The following ZHX3 variants were observed in gnomAD, a reference collection of about 807,000 sequenced individuals.
ZHX3 encodes the protein zinc fingers and homeoboxes 3.
A neutral mutation model predicts 64.5 loss-of-function variants in ZHX3; 20 were observed. That is an observed-to-expected ratio of 0.31 (90% confidence interval 0.22 to 0.45). The LOEUF (loss-of-function observed/expected upper bound fraction) is 0.45. ZHX3 is among the 20% of genes least tolerant of loss of function. ZHX3 has a pLI of 1.00. For missense variants in ZHX3, 1,041 were observed against 1,195.8 expected (o/e 0.87, Z 1.91); for synonymous variants, 423 against 461.6 (o/e 0.92, Z 1.07).
intron 2 of ZHX3, among the ~76,000 whole-genome samples, chr20:41,231,076 A>T (rs547950342): frequency 4.3e-4 from 65 of 152,132 alleles, no homozygotes; most frequent in Admixed American, 1.0e-3. Context: ...CTGTCTCTAT[A>T]GTTTTGCCTT....
intron 1 of ZHX3, among the ~76,000 whole-genome samples, chr20:41,315,674 G>A (rs1000410813): frequency 6.6e-5 from 10 of 151,888 alleles, no homozygotes; most frequent in African/African-American, 2.4e-4. Context: ...AGAAACACAA[G>A]TTCCTACTCA....
At chr20:41,271,075 C>A (rs1229856795) in intron 1 of ZHX3, among the ~76,000 whole-genome samples, 1 of 152,182 alleles carries the variant, frequency 6.6e-6, no homozygotes, top group Non-Finnish European at 1.5e-5. Flanking sequence ...GGCTGGAGTG[C>A]AGCGGCACTA....
intron 2 of ZHX3, among the ~76,000 whole-genome samples, chr20:41,205,401 T>A (rs1259787821): frequency 6.6e-6 from 1 of 152,240 alleles, no homozygotes; most frequent in Non-Finnish European, 1.5e-5. Context: ...ATTCTGACCA[T>A]GTCAGAGTGA....
In ZHX3 at chr20:41,185,753, C is replaced by A. The variant is rs1328279850; in HGVS notation, c.2861-552G>T. 2 of 154,876 alleles carry A rather than the reference C, an allele frequency of 1.3e-5. No individual in the cohort carries two copies. The highest frequency in any genetic ancestry group is 1.3e-4 in the Admixed American group (2 of 15,662). 9.6% of individuals were successfully genotyped at this position (154,876 alleles called of 1,614,324 possible). A position where few individuals can be genotyped will look rare whatever the true frequency, so the allele number is the denominator to read the frequency against. Reference sequence around the variant, plus strand: ...AGAAATGGTCCTTAATTGCAGCTGGCTGAGAAAGCCATGAGAAACCAGGTA... The same window carrying A: ...AGAAATGGTCCTTAATTGCAGCTGGATGAGAAAGCCATGAGAAACCAGGTA... On this transcript the variant is annotated intron_variant, in intron 3 of 3. Coordinates refer to ENST00000683867, the MANE Select transcript of ZHX3 (RefSeq NM_001384317.1). This position sits in a 1 kb window ranked among gnomAD's most constrained non-coding sequence, Gnocchi z 5.0.
intron 1 of ZHX3, among the ~76,000 whole-genome samples, chr20:41,273,304 C>T (rs1303140579): frequency 6.6e-6 from 1 of 152,102 alleles, no homozygotes; most frequent in Non-Finnish European, 1.5e-5. Context: ...ATATCTCCTC[C>T]CATTCTGCAG....
At chr20:41,244,184 G>T (rs1346418582) in intron 2 of ZHX3, among the ~76,000 whole-genome samples, 2 of 152,004 alleles carry the variant, frequency 1.3e-5, no homozygotes, top group African/African-American at 4.8e-5. Context: ...TATCCCCTAG[G>T]GGACACAGTT....
At position 41,204,847 on chromosome 20, in the gene ZHX3, T is replaced by C. The variant is rs769885204; in HGVS notation, c.70A>G (p.Ser24Gly). The change falls in exon 3 of 4, where the codon AGC (serine) becomes GGC (glycine). Residue 24 changes from serine (S) to glycine (G), a missense_variant. Coordinates refer to ENST00000683867, the MANE Select transcript of ZHX3 (RefSeq NM_001384317.1). This position sits in a 1 kb window ranked among gnomAD's most constrained non-coding sequence, Gnocchi z 6.6. Reference sequence around the variant, plus strand: ...GTCTCAGCGGGCTGGGCCTCCATGCTGGCATCTTGCAACACCACAGTCTTC... The same window carrying C: ...GTCTCAGCGGGCTGGGCCTCCATGCCGGCATCTTGCAACACCACAGTCTTC... Reference protein sequence around the residue: ...PVKTVVLQDASMEAQPAETLP... With the variant: ...PVKTVVLQDAGMEAQPAETLP... 6.3e-7 allele frequency: 1 copy of C among 1,593,896 alleles called. No homozygotes were observed. The highest frequency in any genetic ancestry group is 1.7e-5 in the Admixed American group (1 of 57,662).
chr20:41,238,988 CTCTCTTT>C (rs2041197854), intron 2 of ZHX3, among the ~76,000 whole-genome samples: 2 of 139,022 alleles, frequency 1.4e-5, no homozygotes, highest in Non-Finnish European at 3.1e-5. Flanking sequence ...CCTATTTTCT[CTCTCTTT>C]TTTTTTTTTT....
chr20:41,225,046 C>T (rs1440264457), intron 2 of ZHX3, among the ~76,000 whole-genome samples: 2 of 152,192 alleles, frequency 1.3e-5, no homozygotes, highest in South Asian at 2.1e-4. Context: ...ACATAATAAT[C>T]GTTTTCAGTG....
intron 2 of ZHX3, among the ~76,000 whole-genome samples, chr20:41,234,950 G>T (rs1397456040): frequency 1.3e-5 from 2 of 152,232 alleles, no homozygotes; most frequent in African/African-American, 4.8e-5. Context: ...ATAGTTCAAG[G>T]TTGTCCTTGT....
At chr20:41,196,356 T>TAGATA (rs2037499014) in intron 3 of ZHX3, among the ~76,000 whole-genome samples, 1 of 84,964 alleles carries the variant, frequency 1.2e-5, no homozygotes, top group African/African-American at 4.5e-5. Context: ...AATATATATC[T>TAGATA]TATAAATATA....
chr20:41,247,160 G>C (rs2041744581), intron 2 of ZHX3, among the ~76,000 whole-genome samples: 1 of 151,978 alleles, frequency 6.6e-6, no homozygotes, highest in African/African-American at 2.4e-5. Context: ...CCAGCTACTT[G>C]GCGGGGCTGA....
Position 41,200,843 on chromosome 20 carries a change from A to C in ZHX3, c.2860+1214T>G, listed in dbSNP as rs2038160040. The stretch of plus-strand genomic sequence containing the variant: ...GAAGTCTCTTTTTCCTTAATTCAGT[A>C]AAGAAACAATAGCATAACTATGTTT... On this transcript the variant is annotated intron_variant, in intron 3 of 3. Transcript: ENST00000683867. The surrounding 1 kb of genome is among the most constrained non-coding windows in gnomAD (Gnocchi z 4.2). Among the ~76,000 whole-genome samples the C allele has an allele frequency of 6.6e-6, 1 of 152,254 alleles. No individual in the cohort carries two copies. Among genetic ancestry groups the C allele is most frequent in the Admixed American group, 6.5e-5 (1 of 15,288 alleles).
intron 2 of ZHX3, among the ~76,000 whole-genome samples, chr20:41,220,370 C>G (rs978407175): frequency 1.3e-5 from 2 of 152,168 alleles, no homozygotes; most frequent in African/African-American, 4.8e-5. Flanking sequence ...GATTGGAGAG[C>G]TAGAAAGGAT....
chr20:41,223,888 T>C (rs191083167), intron 2 of ZHX3, among the ~76,000 whole-genome samples: 268 of 152,314 alleles, frequency 1.8e-3, no homozygotes, highest in African/African-American at 6.1e-3. Context: ...TACCAAGTAG[T>C]GCTCCTTTAC....
At chr20:41,242,861 A>C (rs562741530) in intron 2 of ZHX3, among the ~76,000 whole-genome samples, 1 of 152,324 alleles carries the variant, frequency 6.6e-6, no homozygotes, top group East Asian at 1.9e-4. Context: ...AGCATATGGC[A>C]ATTGTCTTTG....
At chr20:41,207,959 A>T (rs922776211) in intron 2 of ZHX3, among the ~76,000 whole-genome samples, 2 of 152,204 alleles carry the variant, frequency 1.3e-5, no homozygotes, top group African/African-American at 4.8e-5. Flanking sequence ...ACTAATAAAG[A>T]AGAAAAGAGA....
chr20:41,185,224 T>G lies in ZHX3; in HGVS notation c.2861-23A>C. 1 of 1,594,644 alleles carries G rather than the reference T, an allele frequency of 6.3e-7. No individual in the cohort carries two copies. The highest frequency in any genetic ancestry group is 8.6e-7 in the Non-Finnish European group (1 of 1,168,612). On this transcript the variant is annotated intron_variant, in intron 3 of 3. Transcript: ENST00000683867. This position sits in a 1 kb window ranked among gnomAD's most constrained non-coding sequence, Gnocchi z 5.0. ...TTTCTGAGAAGAAAACACATGCCTG[T>G]CACTCTACGGCAGCTGCCACCACCT...
chr20:41,309,747 C>G (rs2045076348), intron 1 of ZHX3, among the ~76,000 whole-genome samples: 1 of 152,130 alleles, frequency 6.6e-6, no homozygotes, highest in African/African-American at 2.4e-5. Context: ...AGATTCGGCC[C>G]ACTTTCCTTT....
Sources: allele counts gnomAD v4.1 joint callset (sites outside exome capture counted in the v4.1 genomes callset), GRCh38; gene constraint gnomAD v4.1.1; non-coding constraint Gnocchi (gnomAD v3.1); transcripts MANE v1.5; gene names NCBI Gene and HGNC (gene_info 2026-07-23, HGNC 2026-07-21).